The following USP48 variants were observed in gnomAD, a reference collection of about 807,000 sequenced individuals.
USP48 encodes ubiquitin specific peptidase 48.
A neutral mutation model predicts 150.7 loss-of-function variants in USP48; 43 were observed. The ratio of observed to expected loss-of-function variants is 0.29; its 90% CI spans 0.22 to 0.37. USP48 has a LOEUF of 0.37. Ranked by LOEUF, USP48 falls within the 10% of genes least tolerant of loss-of-function variation. The pLI, the probability that USP48 is intolerant of heterozygous loss-of-function variation, is 1.00. For missense variants in USP48, 813 were observed against 1,249.6 expected, an observed-to-expected ratio of 0.65 and a Z score of 5.27; for synonymous variants, 396 against 425.9, an observed-to-expected ratio of 0.93 and a Z score of 0.86.
intron 1 of USP48, among the ~76,000 whole-genome samples, chr1:21,772,296 T>C (rs1371926157): frequency 6.6e-6 from 1 of 151,920 alleles, no homozygotes; most frequent in Non-Finnish European, 1.5e-5. Context: ...AGCCCAAATA[T>C]ACCACAGAAA....
intron 20 of USP48, 77 bp downstream of exon 20, chr1:21,704,185 A>C: frequency 6.5e-7 from 1 of 1,529,106 alleles, no homozygotes; most frequent in Non-Finnish European, 8.8e-7. Flanking sequence ...AACTTTAAGC[A>C]GACAACACTG....
At chr1:21,714,113 TCA>T (rs2097697898) in intron 15 of USP48, among the ~76,000 whole-genome samples, 1 of 152,188 alleles carries the variant, frequency 6.6e-6, no homozygotes, top group Admixed American at 6.5e-5. Flanking sequence ...ATCCACTGGT[TCA>T]CAGTGAACTG....
At chr1:21,679,914 G>C (rs560197348) in intron 26 of USP48, among the ~76,000 whole-genome samples, 3 of 151,856 alleles carry the variant, frequency 2.0e-5, no homozygotes, top group African/African-American at 7.3e-5. Context: ...GACTGGTCTC[G>C]AACTCCTGAC....
At chr1:21,752,804 C>A (rs1430357580) in intron 4 of USP48, among the ~76,000 whole-genome samples, 153 bp from the exon 5 acceptor site, 1 of 152,110 alleles carries the variant, frequency 6.6e-6, no homozygotes, top group African/African-American at 2.4e-5. Flanking sequence ...GTTTGTGCCC[C>A]CATATGAATT....
chr1:21,757,454 C>T (rs78187197), intron 2 of USP48: 32,692 of 412,610 alleles, frequency 0.079, 1,513 homozygotes, highest in Middle Eastern at 0.11. Context: ...TATTTAAAGG[C>T]TTACTGAATT....
At chr1:21,697,399 C>T (rs1397104902) in intron 22 of USP48, among the ~76,000 whole-genome samples, 1 of 151,980 alleles carries the variant, frequency 6.6e-6, no homozygotes, top group Non-Finnish European at 1.5e-5. Context: ...CGTGGTGGCT[C>T]ATGCCTGTAA....
chr1:21,737,669 A>T (rs1472538487), intron 8 of USP48, among the ~76,000 whole-genome samples: 2 of 152,140 alleles, frequency 1.3e-5, no homozygotes, highest in Non-Finnish European at 2.9e-5. Context: ...TCATTAATAA[A>T]CCCACATAAC....
chr1:21,741,282 G>C (rs1378386022), intron 8 of USP48, among the ~76,000 whole-genome samples: 1 of 152,088 alleles, frequency 6.6e-6, no homozygotes, highest in Non-Finnish European at 1.5e-5. Flanking sequence ...CCAAAGAAGA[G>C]GTCTTAAAAT....
At chr1:21,728,515 A>T (rs921519885) in intron 11 of USP48, 55 bp downstream of exon 11, 8 of 1,570,346 alleles carry the variant, frequency 5.1e-6, no homozygotes, top group Non-Finnish European at 6.9e-6. Flanking sequence ...ATTTGTGAAC[A>T]TAAAAAAACA....
At chr1:21,702,708 A>G (rs905663766) in intron 21 of USP48, among the ~76,000 whole-genome samples, 1 of 152,194 alleles carries the variant, frequency 6.6e-6, no homozygotes, top group African/African-American at 2.4e-5. Context: ...ATTCCATATC[A>G]TGATCCCTTC....
chr1:21,681,968 G>A (rs1183639574), intron 25 of USP48, among the ~76,000 whole-genome samples: 1 of 152,140 alleles, frequency 6.6e-6, no homozygotes, highest in East Asian at 1.9e-4. Context: ...TATGGATCAG[G>A]TGTCTTCGCT....
chr1:21,690,328 A>G (rs528063022), intron 23 of USP48, among the ~76,000 whole-genome samples: 1 of 152,200 alleles, frequency 6.6e-6, no homozygotes, highest in South Asian at 2.1e-4. Flanking sequence ...ACAATTACAC[A>G]TATAGATGCG....
In USP48 at chr1:21,752,512, T is replaced by A. The variant is rs371241964; in HGVS notation, c.665+15A>T. The A allele has an allele frequency of 1.9e-6, 3 of 1,604,574 alleles. No individual in the cohort carries two copies. Among genetic ancestry groups the A allele is most frequent in the Admixed American group, 1.8e-5 (1 of 56,630 alleles). ...TAGAATAAAATGTACCATGAAAAAG[T>A]TGAAACAGACTTACACAGTTACATA... On this transcript the variant is annotated intron_variant, in intron 5 of 26. Coordinates refer to ENST00000308271, the MANE Select transcript of USP48 (RefSeq NM_032236.8).
chr1:21,776,562 A>T (rs1355471743), intron 1 of USP48, among the ~76,000 whole-genome samples: 5 of 149,234 alleles, frequency 3.4e-5, no homozygotes, highest in Non-Finnish European at 7.4e-5. Flanking sequence ...TGTCTCTATA[A>T]AAAAGGAGAA....
At chr1:21,746,192 A>C (rs2097794157) in intron 8 of USP48, among the ~76,000 whole-genome samples, 1 of 152,182 alleles carries the variant, frequency 6.6e-6, no homozygotes, top group Admixed American at 6.6e-5. Context: ...AGAGTTTATA[A>C]AATAATTTCT....
chr1:21,755,388 C>A (rs1328449986), intron 3 of USP48, among the ~76,000 whole-genome samples: 2 of 151,896 alleles, frequency 1.3e-5, no homozygotes, highest in African/African-American at 4.8e-5. Flanking sequence ...TGGTAAAATG[C>A]TGTCTCCAAA....
intron 11 of USP48, among the ~76,000 whole-genome samples, chr1:21,726,336 T>C (rs767537575): frequency 8.5e-5 from 13 of 152,310 alleles, no homozygotes; most frequent in Non-Finnish European, 1.8e-4. Context: ...ACAGAAAACT[T>C]CCAAGGAAAG....
At chr1:21,701,440 T>G (rs1353894626) in intron 22 of USP48, 58 bp downstream of exon 22, 1 of 1,440,456 alleles carries the variant, frequency 6.9e-7, no homozygotes, top group Non-Finnish European at 9.7e-7. Context: ...GGGCTTCGAG[T>G]GGCTGCTCTA....
intron 1 of USP48, among the ~76,000 whole-genome samples, chr1:21,778,848 C>T (rs2097907012): frequency 6.6e-6 from 1 of 151,470 alleles, no homozygotes; most frequent in Non-Finnish European, 1.5e-5. Context: ...CTCCCGGGTT[C>T]GTGCCATTCT....
Sources: gnomAD v4.1 joint callset for allele counts (sites outside exome capture counted in the v4.1 genomes callset) on GRCh38, gnomAD v4.1.1 for gene constraint, MANE v1.5 for transcripts, NCBI Gene and HGNC (gene_info 2026-07-23, HGNC 2026-07-21) for gene names.